STRBP: variants seen among roughly 807,000 people sequenced by gnomAD.
STRBP encodes the protein spermatid perinuclear RNA binding protein.
In STRBP, 13 loss-of-function variants were observed where a neutral mutation model predicts 80.1. The observed-to-expected ratio is 0.16, with a 90% confidence interval of 0.11 to 0.26. STRBP has a LOEUF of 0.26. Among genes scored for constraint, STRBP ranks in the 10% least tolerant of loss-of-function variants. The pLI is 1.00. For missense variants in STRBP, 485 were observed against 815.2 expected (o/e 0.59, Z 4.93); for synonymous variants, 284 against 291.2 (o/e 0.98, Z 0.25).
chr9:123,200,169 T>C lies in STRBP; in HGVS notation c.-164-15871A>G, dbSNP rs909473662. ...TGTTTTTAATTGTTTATGTGCTGTA[T>C]CACATTTACTGACTTGCATATTTTA... On this transcript the variant is annotated intron_variant, in intron 2 of 18. Coordinates refer to ENST00000348403, the MANE Select transcript of STRBP (RefSeq NM_018387.5). Among the ~76,000 whole-genome samples, 12 of 152,208 alleles carry C rather than the reference T, an allele frequency of 7.9e-5. 1 individual carries two copies. Among genetic ancestry groups the C allele is most frequent in the African/African-American group, 2.9e-4 (12 of 41,458 alleles).
At chr9:123,132,496 G>A (rs1176865601) in intron 17 of STRBP, among the ~76,000 whole-genome samples, 1 of 152,064 alleles carries the variant, frequency 6.6e-6, no homozygotes, top group Non-Finnish European at 1.5e-5. Flanking sequence ...CCTCTTAGCA[G>A]TTTTTCTCTC....
At chr9:123,208,480 G>C (rs2039599967) in intron 2 of STRBP, among the ~76,000 whole-genome samples, 1 of 152,080 alleles carries the variant, frequency 6.6e-6, no homozygotes, top group Non-Finnish European at 1.5e-5. Context: ...TAGTGCAGGA[G>C]TCAGCAAACT....
chr9:123,231,078 T>A (rs1387808675), intron 2 of STRBP, among the ~76,000 whole-genome samples: 2 of 152,184 alleles, frequency 1.3e-5, no homozygotes, highest in Non-Finnish European at 2.9e-5. Flanking sequence ...GGGAGCTTTT[T>A]AAGCTAGACA....
intron 13 of STRBP, among the ~76,000 whole-genome samples, chr9:123,142,567 C>T (rs1588473656): frequency 2.0e-5 from 3 of 152,252 alleles, no homozygotes; most frequent in East Asian, 3.9e-4. Flanking sequence ...TAATGGGTCC[C>T]GTTTAGCCAG....
rs955367825 is a variant in STRBP at position 123,169,917 on chromosome 9, C to T, written c.520G>A (p.Glu174Lys). The T allele has an allele frequency of 6.4e-7, 1 of 1,565,274 alleles. No homozygotes were observed. Among genetic ancestry groups the T allele is most frequent in the African/African-American group, 1.4e-5 (1 of 73,164 alleles). The change falls in exon 6 of 19, where the codon GAG (glutamate) becomes AAG (lysine). Residue 174 changes from glutamate to lysine, a missense_variant. Around this residue, in one of 3 missense-constraint regions of STRBP, gnomAD observed 377 missense variants for 616.1 expected, o/e 0.61. Transcript: ENST00000348403. Reference protein sequence around the residue: ...LTSPLIRDELEKKDGENVSMK... With the variant: ...LTSPLIRDELKKKDGENVSMK... Reference sequence around the variant, plus strand: ...ACATGTGTACCTCCATCCTTCTTCTCCAATTCGTCCCTAATTAGAGGTGAG... The same window carrying T: ...ACATGTGTACCTCCATCCTTCTTCTTCAATTCGTCCCTAATTAGAGGTGAG...
chr9:123,238,709 C>T (rs1367703945), intron 1 of STRBP, among the ~76,000 whole-genome samples: 2 of 152,062 alleles, frequency 1.3e-5, no homozygotes, highest in East Asian at 3.8e-4. Flanking sequence ...AGGGAGACTA[C>T]CCAAGGAAAT....
chr9:123,253,176 A>G (rs1026886200), intron 1 of STRBP, among the ~76,000 whole-genome samples: 14 of 152,256 alleles, frequency 9.2e-5, no homozygotes, highest in Admixed American at 4.6e-4. Context: ...ATAAAATCAT[A>G]TAAAGACTCA....
chr9:123,174,674 G>A (rs1484591842), intron 4 of STRBP, among the ~76,000 whole-genome samples: 7 of 152,136 alleles, frequency 4.6e-5, no homozygotes, highest in Admixed American at 3.9e-4. Context: ...TCAGCTTATG[G>A]GGAAAGCAGA....
At chr9:123,114,928 C>G (rs566886641) in intron 3 of STRBP, 12 of 331,306 alleles carry the variant, frequency 3.6e-5, no homozygotes, top group African/African-American at 2.6e-4. Context: ...CCCTCTGCTG[C>G]TGCGCTCCAT....
rs2035795564 is a variant in STRBP at position 123,123,508 on chromosome 9, G to T, written c.*2089C>A. ...ACTGGGCAGGTTTACAACATGGTTAGTAACTTCCAACAAACAACAAAATTA... is the reference window on the plus strand; with the variant it reads ...ACTGGGCAGGTTTACAACATGGTTATTAACTTCCAACAAACAACAAAATTA... On this transcript the variant is annotated 3_prime_UTR_variant, in exon 19 of 19. Transcript: ENST00000348403. The T allele has an allele frequency of 1.0e-6, 1 of 976,046 alleles. No individual in the cohort carries two copies. The highest frequency in any genetic ancestry group is 1.2e-6 in the Non-Finnish European group (1 of 828,256). The allele number at this position is 976,046 out of a possible 1,614,324, so 60.5% of individuals were successfully genotyped here.
intron 1 of STRBP, among the ~76,000 whole-genome samples, chr9:123,267,417 C>G (rs1335236084): frequency 1.3e-5 from 2 of 151,780 alleles, no homozygotes; most frequent in Non-Finnish European, 2.9e-5. Flanking sequence ...AAGTCTCTGC[C>G]CCAATGAACT....
chr9:123,118,994 CAAAA>C (rs943007017), downstream of STRBP, among the ~76,000 whole-genome samples: 15 of 152,160 alleles, frequency 9.9e-5, no homozygotes, highest in Admixed American at 9.8e-4. Flanking sequence ...AATGGATAGA[CAAAA>C]AGAAAGACGA....
At chr9:123,204,974 A>C (rs2039464596) in intron 2 of STRBP, among the ~76,000 whole-genome samples, 1 of 151,088 alleles carries the variant, frequency 6.6e-6, no homozygotes, top group Non-Finnish European at 1.5e-5. Flanking sequence ...AAAAGAATTC[A>C]AATATTCGGC....
intron 1 of STRBP, among the ~76,000 whole-genome samples, chr9:123,246,094 A>C (rs1257666713): frequency 6.6e-6 from 1 of 152,268 alleles, no homozygotes; most frequent in African/African-American, 2.4e-5. Context: ...TCTCAAGCCA[A>C]AAGGTTACAA....
intron 4 of STRBP, among the ~76,000 whole-genome samples, chr9:123,174,453 A>C (rs1389367326): frequency 6.6e-6 from 1 of 152,220 alleles, no homozygotes. Context: ...ATAAAAATAA[A>C]CTTCCTTCTG....
intron 2 of STRBP, among the ~76,000 whole-genome samples, chr9:123,218,116 C>T (rs1484592685): frequency 6.6e-6 from 1 of 152,184 alleles, no homozygotes; most frequent in Non-Finnish European, 1.5e-5. Context: ...ATCTTCACAG[C>T]TTCTGTCTAT....
chr9:123,197,151 C>A (rs1435190403), intron 2 of STRBP, among the ~76,000 whole-genome samples: 1 of 151,968 alleles, frequency 6.6e-6, no homozygotes, highest in Non-Finnish European at 1.5e-5. Context: ...GAAAAAAAAA[C>A]TTCAAATGTT....
intron 11 of STRBP, among the ~76,000 whole-genome samples, chr9:123,156,615 C>G (rs2037296056): frequency 6.7e-6 from 1 of 150,112 alleles, no homozygotes; most frequent in South Asian, 2.1e-4. Flanking sequence ...GCAACGATCT[C>G]ATCACATGTC....
At chr9:123,160,874 AC>A in intron 7 of STRBP, 102 bp downstream of exon 7, 1 of 874,654 alleles carries the variant, frequency 1.1e-6, no homozygotes, top group Non-Finnish European at 1.8e-6. Flanking sequence ...GCTAGAAAGC[AC>A]CCCTCATTTT....
Sources: allele counts gnomAD v4.1 joint callset (sites outside exome capture counted in the v4.1 genomes callset), GRCh38; gene constraint gnomAD v4.1.1; regional missense constraint gnomAD v4.1.1; transcripts MANE v1.5; gene names NCBI Gene and HGNC (gene_info 2026-07-23, HGNC 2026-07-21).